Variants in DLG5 observed in about 807,000 individuals in gnomAD.
DLG5 encodes the protein discs large MAGUK scaffold protein 5.
DLG5 carries 48 observed loss-of-function variants against 189.8 expected under a neutral mutation model. The observed-to-expected ratio is 0.25, with a 90% CI of 0.20 to 0.32. DLG5 has a LOEUF of 0.32. Among genes scored for constraint, DLG5 ranks in the 10% least tolerant of loss-of-function variants. DLG5 has a pLI of 1.00. For missense variants in DLG5, 2,160 were observed against 2,544.7 expected (o/e 0.85, Z 3.25); for synonymous variants, 1,016 against 1,054.1 (o/e 0.96, Z 0.70).
intron 1 of DLG5, among the ~76,000 whole-genome samples, chr10:77,880,549 TG>T (rs1348332389): frequency 6.6e-6 from 1 of 152,142 alleles, no homozygotes; most frequent in Non-Finnish European, 1.5e-5. Flanking sequence ...TGTTGCTTAA[TG>T]GTGAAGGTAA....
In DLG5 at chr10:77,821,135, G is replaced by A; in HGVS notation, c.3349C>T (p.Pro1117Ser). Residue 1117 changes from proline (P) to serine (S), a missense_variant, in exon 15 of 32, where the codon CCC (proline) becomes TCC (serine). By Grantham distance (74) the Pro-to-Ser change is moderately conservative. Coordinates refer to ENST00000372391, the MANE Select transcript of DLG5 (RefSeq NM_004747.4). ...GQKRRRPKSA[P>S]SFRPKLAPVV... ...GGAGCAAGCTTCGGCCGAAAACTGG[G>A]AGCAGATTTTGGCCGGCGACGCTTC... 1.2e-6 allele frequency: 2 copies of A among 1,614,120 alleles called. No homozygotes were observed. Among genetic ancestry groups the A allele is most frequent in the Non-Finnish European group, 1.7e-6 (2 of 1,180,046 alleles).
intron 8 of DLG5, among the ~76,000 whole-genome samples, chr10:77,835,448 A>G (rs1843078664): frequency 6.6e-6 from 1 of 152,152 alleles, no homozygotes. Context: ...CTCATCAGAA[A>G]CCCTCAAATA....
intron 3 of DLG5, among the ~76,000 whole-genome samples, chr10:77,855,360 G>A (rs985659729): frequency 1.3e-5 from 2 of 152,232 alleles, no homozygotes; most frequent in Non-Finnish European, 2.9e-5. Context: ...GCAATGATCT[G>A]TGCATTAACA....
chr10:77,852,412 CTGTT>C (rs112697424), intron 5 of DLG5, among the ~76,000 whole-genome samples: 52 of 151,762 alleles, frequency 3.4e-4, no homozygotes, highest in South Asian at 1.5e-3. Flanking sequence ...ACATTTGTCA[CTGTT>C]TGTTTGTTTG....
the DLG5 span, among the ~76,000 whole-genome samples, chr10:77,934,203 C>G: frequency 2.0e-3 from 307 of 151,610 alleles, 1 homozygote; most frequent in African/African-American, 7.0e-3. Flanking sequence ...AAACCCCCGT[C>G]TCCACTAAAA....
chr10:77,830,956 G>A, intron 9 of DLG5, 83 bp from the exon 10 acceptor site: 1 of 1,522,228 alleles, frequency 6.6e-7, no homozygotes. Flanking sequence ...TCACGAGGCA[G>A]GCCATTTGAA....
intron 13 of DLG5, among the ~76,000 whole-genome samples, chr10:77,827,136 G>C (rs1031682204): frequency 3.9e-5 from 6 of 152,174 alleles, no homozygotes; most frequent in Non-Finnish European, 8.8e-5. Context: ...AAGAGGTCTA[G>C]CCAGAGGAAG....
intron 29 of DLG5, 59 bp from the exon 30 acceptor site, chr10:77,795,017 T>C (rs1840840539): frequency 1.2e-5 from 17 of 1,434,108 alleles, no homozygotes; most frequent in Non-Finnish European, 1.6e-5. Flanking sequence ...CAGCCCCCTG[T>C]CCTGCCACCA....
chr10:77,811,043 C>A, intron 23 of DLG5, 51 bp downstream of exon 23: 2 of 1,580,100 alleles, frequency 1.3e-6, no homozygotes, highest in East Asian at 2.2e-5. Context: ...TGTGCTCAGC[C>A]CCACCCAGCC....
the DLG5 span, among the ~76,000 whole-genome samples, chr10:77,939,756 G>A: frequency 6.6e-6 from 1 of 152,200 alleles, no homozygotes; most frequent in Admixed American, 6.6e-5. Flanking sequence ...GCTCTATGCA[G>A]CTTTACTGGA....
At chr10:77,871,652 C>G (rs1844906865) in intron 1 of DLG5, among the ~76,000 whole-genome samples, 1 of 146,738 alleles carries the variant, frequency 6.8e-6, no homozygotes, top group Non-Finnish European at 1.5e-5. Flanking sequence ...AAGCGATTCT[C>G]CTGCCCCAGC....
At position 77,806,738 on chromosome 10, in the gene DLG5, C is replaced by CCCCCCCCCCCCAAAAAAAAA; in HGVS notation, c.4967+19_4967+20insTTTTTTTTTGGGGGGGGGGG. The CCCCCCCCCCCCAAAAAAAAA allele has an allele frequency of 6.4e-7, 1 of 1,574,710 alleles. No homozygotes were observed. ...CGGCGACCCCTGCCCCACCCCACCCCAGGCCCGGAGAACACTTACACATAT... is the reference window on the plus strand; with the variant it reads ...CGGCGACCCCTGCCCCACCCCACCCCCCCCCCCCCCCAAAAAAAAAAGGCCCGGAGAACACTTACACATAT... On this transcript the variant is annotated intron_variant, in intron 26 of 31. Transcript: ENST00000372391.
At chr10:77,867,251 C>T in intron 2 of DLG5, 2 of 369,402 alleles carry the variant, frequency 5.4e-6, no homozygotes, top group South Asian at 2.0e-5. Flanking sequence ...GCAAATACCC[C>T]TCTCTGGAAT....
At chr10:77,806,009 A>AGGGG in intron 26 of DLG5, 148 bp from the exon 27 acceptor site, 2 of 733,858 alleles carry the variant, frequency 2.7e-6, no homozygotes, top group Non-Finnish European at 4.4e-6. Context: ...ATCTCCTCCC[A>AGGGG]CGCCCCTGGG....
At chr10:77,849,616 T>G (rs1843864365) in intron 5 of DLG5, among the ~76,000 whole-genome samples, 1 of 152,154 alleles carries the variant, frequency 6.6e-6, no homozygotes, top group African/African-American at 2.4e-5. Flanking sequence ...ATGACCAGGA[T>G]GCATCCCCAC....
At chr10:77,844,010 T>C (rs191394532) in intron 5 of DLG5, among the ~76,000 whole-genome samples, 1 of 152,314 alleles carries the variant, frequency 6.6e-6, no homozygotes, top group East Asian at 1.9e-4. Context: ...CCCTACCGAA[T>C]GGCGTCTAGG....
intron 2 of DLG5, among the ~76,000 whole-genome samples, chr10:77,865,883 C>CAGA (rs1844659995): frequency 6.6e-6 from 1 of 152,148 alleles, no homozygotes; most frequent in Admixed American, 6.5e-5. Flanking sequence ...ACCCGACAGA[C>CAGA]CGCCTGAGAG....
At chr10:77,815,423 G>T (rs1488948201) in intron 20 of DLG5, among the ~76,000 whole-genome samples, 1 of 152,190 alleles carries the variant, frequency 6.6e-6, no homozygotes, top group East Asian at 1.9e-4. Flanking sequence ...ACTGTGGGAG[G>T]CCGAGGCGGG....
chr10:77,940,096 A>T, the DLG5 span, among the ~76,000 whole-genome samples: 23 of 152,262 alleles, frequency 1.5e-4, no homozygotes, highest in Non-Finnish European at 7.4e-5. Context: ...GACCAACAAC[A>T]TCCTAATTTT....
Sources: allele counts gnomAD v4.1 joint callset (sites outside exome capture counted in the v4.1 genomes callset), GRCh38; gene constraint gnomAD v4.1.1; transcripts MANE v1.5; gene names NCBI Gene and HGNC (gene_info 2026-07-23, HGNC 2026-07-21).